Variants in MACROD2 observed in about 807,000 individuals in gnomAD.
The protein encoded by MACROD2 is mono-ADP ribosylhydrolase 2, also known as ADP-ribose glycohydrolase MACROD2.
In MACROD2, 36 loss-of-function variants were observed where a neutral mutation model predicts 70.4. The ratio of observed to expected loss-of-function variants is 0.51; its 90% confidence interval spans 0.39 to 0.68. The LOEUF (loss-of-function observed/expected upper bound fraction) is 0.68, where lower values mean the gene tolerates loss of function less well. Ranked by LOEUF, MACROD2 falls within the 30% of genes least tolerant of loss-of-function variation. The pLI, the probability that MACROD2 is intolerant of heterozygous loss-of-function variation, is 0.00. For synonymous variants in MACROD2, 172 were observed against 178.8 expected, an observed-to-expected ratio of 0.96 and a Z score of 0.30; for missense variants, 496 against 538.4, an observed-to-expected ratio of 0.92 and a Z score of 0.78.
chr20:14,144,781 C>T (rs1040703753), intron 3 of MACROD2, among the ~76,000 whole-genome samples: 2 of 152,118 alleles, frequency 1.3e-5, no homozygotes, highest in Non-Finnish European at 2.9e-5. Flanking sequence ...GGAGAGACTA[C>T]ACTGGTATGT....
At chr20:14,288,861 G>A (rs376190034) in intron 3 of MACROD2, among the ~76,000 whole-genome samples, 4 of 152,208 alleles carry the variant, frequency 2.6e-5, no homozygotes, top group African/African-American at 9.7e-5. Flanking sequence ...ATACTTGTAT[G>A]TAGTGATAGT....
intron 8 of MACROD2, among the ~76,000 whole-genome samples, chr20:15,568,749 A>C (rs977891448): frequency 1.3e-5 from 2 of 152,182 alleles, no homozygotes; most frequent in Non-Finnish European, 2.9e-5. Context: ...CTGACCATCA[A>C]ACTCAGACTT....
At chr20:15,480,153 A>T (rs558456361) in intron 7 of MACROD2, among the ~76,000 whole-genome samples, 1 of 152,322 alleles carries the variant, frequency 6.6e-6, no homozygotes, top group Non-Finnish European at 1.5e-5. Context: ...ATTCATGGAG[A>T]GTGAACGATG....
intron 8 of MACROD2, among the ~76,000 whole-genome samples, chr20:15,663,380 A>G (rs2049849980): frequency 6.6e-6 from 1 of 151,766 alleles, no homozygotes; most frequent in African/African-American, 2.4e-5. Flanking sequence ...GACTACAGGC[A>G]TGCACCACCA....
intron 5 of MACROD2, among the ~76,000 whole-genome samples, chr20:15,139,163 G>A (rs959203561): frequency 2.6e-5 from 4 of 152,116 alleles, no homozygotes; most frequent in African/African-American, 9.7e-5. Flanking sequence ...TTATAAAAAT[G>A]AAATAAAAAG....
At chr20:14,611,140 T>C (rs1317242700) in intron 4 of MACROD2, among the ~76,000 whole-genome samples, 2 of 152,138 alleles carry the variant, frequency 1.3e-5, no homozygotes, top group African/African-American at 4.8e-5. Context: ...GGTGTCAAAC[T>C]ACCTGCATTC....
chr20:15,447,051 C>T (rs1038608785), intron 7 of MACROD2, among the ~76,000 whole-genome samples: 36 of 146,656 alleles, frequency 2.5e-4, no homozygotes, highest in African/African-American at 8.2e-4. Context: ...TAAGAGTGTG[C>T]GTGTGTGTGT....
intron 3 of MACROD2, among the ~76,000 whole-genome samples, chr20:14,416,289 T>G (rs771509511): frequency 2.6e-5 from 4 of 152,132 alleles, no homozygotes; most frequent in African/African-American, 4.8e-5. Flanking sequence ...GCTTTTATAT[T>G]AAAATACTGT....
At chr20:14,396,263 A>G (rs2083578618) in intron 3 of MACROD2, among the ~76,000 whole-genome samples, 1 of 152,196 alleles carries the variant, frequency 6.6e-6, no homozygotes, top group Non-Finnish European at 1.5e-5. Context: ...TTTATTCTAT[A>G]TCCTTACTGG....
intron 16 of MACROD2, among the ~76,000 whole-genome samples, chr20:16,043,114 G>C (rs185303888): frequency 6.6e-6 from 1 of 152,192 alleles, no homozygotes; most frequent in East Asian, 1.9e-4. Flanking sequence ...TCAAAGGCGG[G>C]CAGGGGATGG....
chr20:15,991,903 G>T (rs1357496467), intron 15 of MACROD2, among the ~76,000 whole-genome samples: 2 of 151,960 alleles, frequency 1.3e-5, no homozygotes, highest in Non-Finnish European at 2.9e-5. Flanking sequence ...TCCTCATATT[G>T]GTTAAGTACC....
intron 5 of MACROD2, among the ~76,000 whole-genome samples, chr20:14,852,266 C>G (rs2073207420): frequency 6.6e-6 from 1 of 152,010 alleles, no homozygotes; most frequent in Middle Eastern, 3.2e-3. Context: ...ATCAAAGAGG[C>G]CCCCACAGTA....
chr20:15,987,021 C>T (rs1445652222), intron 14 of MACROD2, 45 bp from the exon 15 acceptor site: 9 of 1,496,572 alleles, frequency 6.0e-6, no homozygotes, highest in Non-Finnish European at 8.2e-6. Flanking sequence ...CTCAATGATT[C>T]CAACTAAAAC....
chr20:14,497,280 T>C (rs2084864772), intron 4 of MACROD2, among the ~76,000 whole-genome samples: 1 of 151,760 alleles, frequency 6.6e-6, no homozygotes, highest in African/African-American at 2.4e-5. Context: ...TTTTGTGCAT[T>C]TGAGATTCAG....
chr20:15,335,112 G>A (rs2078034238), intron 6 of MACROD2, among the ~76,000 whole-genome samples: 1 of 151,744 alleles, frequency 6.6e-6, no homozygotes, highest in South Asian at 2.1e-4. Context: ...GTTTCAAGGA[G>A]CTAACTCATG....
chr20:15,915,276 C>G (rs1328042381), intron 10 of MACROD2, among the ~76,000 whole-genome samples: 1 of 152,082 alleles, frequency 6.6e-6, no homozygotes, highest in Non-Finnish European at 1.5e-5. Flanking sequence ...ATTAGCCCCA[C>G]CCTGAAGCTA....
At position 15,361,676 on chromosome 20, in the gene MACROD2, T is replaced by G. The variant is rs147750019; in HGVS notation, c.541-69729T>G. Reference sequence around the variant, plus strand: ...TTGATATCCTTATTATGTCGATTCTTTTAATCTATGAGCACAGTATGCTTC... The same window carrying G: ...TTGATATCCTTATTATGTCGATTCTGTTAATCTATGAGCACAGTATGCTTC... On this transcript the variant is annotated intron_variant, in intron 6 of 17. Coordinates refer to ENST00000684519, the MANE Select transcript of MACROD2 (RefSeq NM_001351661.2). Among the ~76,000 whole-genome samples the G allele has an allele frequency of 4.2e-3, 633 of 152,332 alleles. 7 individuals carry two copies. Among genetic ancestry groups the G allele is most frequent in the African/African-American group, 0.014 (601 of 41,572 alleles).
chr20:14,835,132 T>C (rs407885), intron 5 of MACROD2, among the ~76,000 whole-genome samples: 58,043 of 151,764 alleles, frequency 0.38, 11,513 homozygotes, highest in East Asian at 0.57. Flanking sequence ...AACCTTTTTT[T>C]CCAAAACTGT....
chr20:15,636,427 G>C (rs537833070), intron 8 of MACROD2, among the ~76,000 whole-genome samples: 1 of 152,274 alleles, frequency 6.6e-6, no homozygotes, highest in East Asian at 1.9e-4. Context: ...AAGACAATGT[G>C]ATTCTTTAGC....
Sources: gnomAD v4.1 joint callset for allele counts (sites outside exome capture counted in the v4.1 genomes callset) on GRCh38, gnomAD v4.1.1 for gene constraint, MANE v1.5 for transcripts, NCBI Gene and HGNC (gene_info 2026-07-23, HGNC 2026-07-21) for gene names.